PAX6: variants seen among roughly 807,000 people sequenced by gnomAD.
PAX6 encodes paired box 6.
A neutral mutation model predicts 60.7 loss-of-function variants in PAX6; 7 were observed. The ratio of observed to expected loss-of-function variants is 0.12; its 90% CI spans 0.07 to 0.22. PAX6 has a LOEUF of 0.22. Among genes scored for constraint, PAX6 ranks in the 10% least tolerant of loss-of-function variants. The pLI is 1.00. For synonymous variants in PAX6, 208 were observed against 201.2 expected (o/e 1.03, Z -0.29); for missense variants, 355 against 555.2 (o/e 0.64, Z 3.62).
chr11:31,811,597 C>G (rs749787509), upstream of PAX6: 24 of 185,140 alleles, frequency 1.3e-4, no homozygotes, highest in Non-Finnish European at 2.3e-4. Context: ...CTTGAGCGGT[C>G]AAGTGAAGGT....
In PAX6 at chr11:31,789,912, CTTTTTTTTTTTTTT is replaced by C; in HGVS notation, c.*8_*21del. On this transcript the variant is annotated 3_prime_UTR_variant, in exon 14 of 14. Coordinates refer to ENST00000640368, the MANE Select transcript of PAX6 (RefSeq NM_001368894.2). Reference sequence around the variant, plus strand: ...CTGAATTAACACAATATTTCCTTTCCTTTTTTTTTTTTTTTTTTTTTTTACTGTAATCTTGGCCA... The same window carrying C: ...CTGAATTAACACAATATTTCCTTTCCTTTTTTTTTACTGTAATCTTGGCCA... 1 of 1,046,000 alleles carries C rather than the reference CTTTTTTTTTTTTTT, an allele frequency of 9.6e-7. No homozygotes were observed. The highest frequency in any genetic ancestry group is 1.4e-6 in the Non-Finnish European group (1 of 725,928). 64.8% of individuals were successfully genotyped at this position (1,046,000 alleles called of 1,614,324 possible).
At chr11:31,790,211 T>A in intron 13 of PAX6, 192 bp from the exon 14 acceptor site, 1 of 567,310 alleles carries the variant, frequency 1.8e-6, no homozygotes. Flanking sequence ...AATATATGTA[T>A]ATATACCTAT....
intron 8 of PAX6, among the ~76,000 whole-genome samples, chr11:31,797,981 G>GGGGA (rs1952177497): frequency 4.8e-5 from 3 of 62,952 alleles, no homozygotes; most frequent in African/African-American, 5.3e-5. Flanking sequence ...CCTGGAAGGA[G>GGGGA]GTGAGAGAGA....
At chr11:31,803,889 TC>T (rs1330013508) in intron 4 of PAX6, 1 of 152,082 alleles carries the variant, frequency 6.6e-6, no homozygotes, top group Non-Finnish European at 1.5e-5. Flanking sequence ...GTAGTCCCCC[TC>T]CCCAAAAACC....
At position 31,789,272 on chromosome 11, in the gene PAX6, A is replaced by C. The variant is rs570775936; in HGVS notation, c.*662T>G. On this transcript the variant is annotated 3_prime_UTR_variant, in exon 14 of 14. Coordinates refer to ENST00000640368, the MANE Select transcript of PAX6 (RefSeq NM_001368894.2). ...GGAAGACAAATACTTACATTTTGAC[A>C]TAAAACAAATTGGATTATATCGAAG... 17 of 221,358 alleles carry C rather than the reference A, an allele frequency of 7.7e-5. No individual in the cohort carries two copies. The highest frequency in any genetic ancestry group is 3.3e-4 in the African/African-American group (15 of 44,866). 13.7% of individuals were successfully genotyped at this position (221,358 alleles called of 1,614,324 possible).
intron 8 of PAX6, among the ~76,000 whole-genome samples, chr11:31,797,018 C>T (rs1286274839): frequency 6.6e-6 from 1 of 152,130 alleles, no homozygotes; most frequent in African/African-American, 2.4e-5. Context: ...ACCACCCCCA[C>T]CCCTCGCTTT....
At chr11:31,813,290 T>C (rs1957213479), upstream of PAX6, among the ~76,000 whole-genome samples, 1 of 150,820 alleles carries the variant, frequency 6.6e-6, no homozygotes, top group African/African-American at 2.4e-5. Context: ...GAAAGTCGGC[T>C]TTCTCTTTCT....
chr11:31,806,166 G>C (rs1265617640), intron 4 of PAX6: 6 of 490,072 alleles, frequency 1.2e-5, no homozygotes, highest in Non-Finnish European at 7.1e-6. Context: ...TCGAAAACTC[G>C]GGCGGGCTGT....
At position 31,806,427 on chromosome 11, in the gene PAX6, G is replaced by C; in HGVS notation, c.-16C>G. On this transcript the variant is annotated 5_prime_UTR_variant, in exon 4 of 14. Transcript: ENST00000640368. ...TGTTCTGCATGCTGGCTCTGGCTGG[G>C]GGCCGCGGGATTCCACGGGGCTCGA... The C allele has an allele frequency of 1.2e-6, 2 of 1,609,340 alleles. No individual in the cohort carries two copies. Among genetic ancestry groups the C allele is most frequent in the Non-Finnish European group, 1.7e-6 (2 of 1,178,062 alleles).
chr11:31,817,052 C>A (rs1279025221), intron 1 of PAX6, among the ~76,000 whole-genome samples: 3 of 152,260 alleles, frequency 2.0e-5, no homozygotes, highest in African/African-American at 7.2e-5. Flanking sequence ...GGGTGGTGGG[C>A]GCTTCTCTTT....
intron 9 of PAX6, 193 bp downstream of exon 9, chr11:31,794,419 ACCACACACACACACACAC>A (rs1565204497): frequency 2.5e-6 from 1 of 407,898 alleles, no homozygotes; most frequent in African/African-American, 2.8e-5. Flanking sequence ...ACACACACAC[ACCACACACACACACACAC>A]ACACACACAC....
chr11:31,802,695 G>A lies in PAX6; in HGVS notation c.141+9C>T, dbSNP rs1194088876. The A allele has an allele frequency of 6.2e-7, 1 of 1,610,038 alleles. No individual in the cohort carries two copies. Among genetic ancestry groups the A allele is most frequent in the Non-Finnish European group, 8.5e-7 (1 of 1,177,772 alleles). ...GGGGCGGCGAGTGGGGCGGCGCCGG[G>A]AGGATCACCTGCAGAATTCGGGAAA... On this transcript the variant is annotated intron_variant, in intron 5 of 13. Transcript: ENST00000640368.
intron 8 of PAX6, among the ~76,000 whole-genome samples, chr11:31,799,127 T>G (rs1952688929): frequency 6.6e-6 from 1 of 152,176 alleles, no homozygotes. Context: ...CGGGTGTCAC[T>G]TGGGTGTGTC....
intron 8 of PAX6, among the ~76,000 whole-genome samples, chr11:31,800,267 A>C (rs924119585): frequency 2.0e-4 from 31 of 152,176 alleles, no homozygotes; most frequent in African/African-American, 6.8e-4. Flanking sequence ...TCATAGTCAC[A>C]TAATTTGTCA....
rs577333042 is a variant in PAX6, at chr11:31,810,599, C to G, written c.-129+229G>C. 1,628 of 338,914 alleles carry G rather than the reference C, an allele frequency of 4.8e-3. 28 individuals carry two copies. Among genetic ancestry groups the G allele is most frequent in the African/African-American group, 0.032 (1,490 of 47,094 alleles). 21.0% of individuals were successfully genotyped at this position (338,914 alleles called of 1,614,324 possible). ...TGGCGCTGGGGCTGAGCTGGCCGCCCGCCCCGAGCCCTGCGCCGCTCCCGC... is the reference window on the plus strand; with the variant it reads ...TGGCGCTGGGGCTGAGCTGGCCGCCGGCCCCGAGCCCTGCGCCGCTCCCGC... On this transcript the variant is annotated intron_variant, in intron 2 of 13. Coordinates refer to ENST00000640368, the MANE Select transcript of PAX6 (RefSeq NM_001368894.2).
chr11:31,807,558 C>G (rs1006209004), intron 2 of PAX6: 24 of 152,372 alleles, frequency 1.6e-4, no homozygotes, highest in African/African-American at 5.8e-4. Context: ...CCAAACCTCA[C>G]TTATTGTGAT....
Position 31,789,663 on chromosome 11 carries a change from A to T in PAX6, c.*271T>A. The T allele has an allele frequency of 1.4e-6, 1 of 702,126 alleles. No individual in the cohort carries two copies. The highest frequency in any genetic ancestry group is 2.6e-6 in the Non-Finnish European group (1 of 384,646). The allele number at this position is 702,126 out of a possible 1,614,324, so 43.5% of individuals were successfully genotyped here. A position where few individuals can be genotyped will look rare whatever the true frequency, so the allele number is the denominator to read the frequency against. ...TTCTTTTTTTCATTATAACATACAA[A>T]TGCCCATTTACAAATAATACACCAA... is the stretch of plus-strand genomic sequence containing the variant. On this transcript the variant is annotated 3_prime_UTR_variant, in exon 14 of 14. Transcript: ENST00000640368.
chr11:31,792,983 TAG>T, intron 12 of PAX6: 2 of 444,850 alleles, frequency 4.5e-6, no homozygotes, highest in Non-Finnish European at 8.1e-6. Context: ...TCTTTCTCAC[TAG>T]TTTATCACAT....
At chr11:31,804,963 C>T (rs1955322898) in intron 4 of PAX6, 1 of 152,370 alleles carries the variant, frequency 6.6e-6, no homozygotes. Context: ...AATTCCCCTT[C>T]AGAGGTTAAG....
Sources: gnomAD v4.1 joint callset for allele counts (sites outside exome capture counted in the v4.1 genomes callset) on GRCh38, gnomAD v4.1.1 for gene constraint, MANE v1.5 for transcripts, NCBI Gene and HGNC (gene_info 2026-07-23, HGNC 2026-07-21) for gene names.